The following CSMD2 variants were observed in gnomAD, a reference collection of about 807,000 sequenced individuals.
The protein encoded by CSMD2 is CUB and sushi domain-containing protein 2.
CSMD2 carries 130 observed loss-of-function variants against 398.5 expected under a neutral mutation model. The ratio of observed to expected loss-of-function variants is 0.33; its 90% CI spans 0.28 to 0.38. The LOEUF (loss-of-function observed/expected upper bound fraction) is 0.38. Among genes scored for constraint, CSMD2 ranks in the 10% least tolerant of loss-of-function variants. CSMD2 has a pLI of 1.00. For missense variants in CSMD2, 3,829 were observed against 4,764.9 expected, an observed-to-expected ratio of 0.80 and a Z score of 5.78; for synonymous variants, 1,828 against 1,908.5, an observed-to-expected ratio of 0.96 and a Z score of 1.10.
intron 5 of CSMD2, among the ~76,000 whole-genome samples, chr1:33,915,896 G>A (rs935517453): frequency 6.6e-6 from 1 of 152,150 alleles, no homozygotes; most frequent in Non-Finnish European, 1.5e-5. Flanking sequence ...ATTAACCTGG[G>A]GTTGAATCCC....
intron 3 of CSMD2, among the ~76,000 whole-genome samples, chr1:33,988,233 C>T (rs1646427572): frequency 6.6e-6 from 1 of 152,222 alleles, no homozygotes; most frequent in African/African-American, 2.4e-5. Flanking sequence ...CTGTCAGATG[C>T]AGCTTTGTGA....
chr1:33,930,169 G>C (rs1375791914), intron 4 of CSMD2, among the ~76,000 whole-genome samples: 1 of 152,212 alleles, frequency 6.6e-6, no homozygotes. Flanking sequence ...TTAATGACTG[G>C]CTGGCTCATA....
chr1:33,927,158 T>G (rs74966654), intron 4 of CSMD2, among the ~76,000 whole-genome samples: 4,794 of 152,204 alleles, frequency 0.031, 235 homozygotes, highest in African/African-American at 0.11. Flanking sequence ...CCACCCCCTT[T>G]TCTTGTGGTG....
At chr1:33,652,640 T>C (rs1643822917) in intron 27 of CSMD2, among the ~76,000 whole-genome samples, 179 bp from the exon 28 acceptor site, 1 of 152,178 alleles carries the variant, frequency 6.6e-6, no homozygotes, top group Non-Finnish European at 1.5e-5. Flanking sequence ...GTGGGAATAT[T>C]TCAGAGATAG....
intron 11 of CSMD2, among the ~76,000 whole-genome samples, chr1:33,790,636 TTATC>T (rs926634747): frequency 1.8e-4 from 27 of 151,232 alleles, no homozygotes; most frequent in Admixed American, 3.3e-4. Flanking sequence ...TTACAACAAA[TTATC>T]TATCTATTTG....
At chr1:33,994,074 G>A (rs148537401) in intron 3 of CSMD2, among the ~76,000 whole-genome samples, 1 of 152,298 alleles carries the variant, frequency 6.6e-6, no homozygotes, top group Non-Finnish European at 1.5e-5. Context: ...GTGAATTAGT[G>A]AAGGGAGACA....
At chr1:33,549,964 G>T (rs1269116032) in intron 56 of CSMD2, among the ~76,000 whole-genome samples, 1 of 152,182 alleles carries the variant, frequency 6.6e-6, no homozygotes, top group African/African-American at 2.4e-5. Flanking sequence ...GGTCAGGGCT[G>T]ACTGAGGGGA....
chr1:33,539,403 A>G (rs1230930434), intron 60 of CSMD2, among the ~76,000 whole-genome samples: 1 of 152,256 alleles, frequency 6.6e-6, no homozygotes, highest in Non-Finnish European at 1.5e-5. Context: ...GCCATTAAAA[A>G]TGATGATGCA....
chr1:34,131,685 T>A (rs1459409153), intron 1 of CSMD2, among the ~76,000 whole-genome samples: 4 of 152,150 alleles, frequency 2.6e-5, no homozygotes, highest in African/African-American at 9.7e-5. Flanking sequence ...AGAGTGGGGA[T>A]CCCTGAGGCC....
At chr1:33,825,665 CCCGGCAGG>C in intron 7 of CSMD2, 24 bp downstream of exon 7, 2 of 1,605,002 alleles carry the variant, frequency 1.2e-6, no homozygotes, top group Non-Finnish European at 1.7e-6. Context: ...AAGCAAGAGG[CCCGGCAGG>C]CGGGCTGGCG....
chr1:33,699,849 C>G (rs777416779), intron 23 of CSMD2, among the ~76,000 whole-genome samples: 1 of 152,150 alleles, frequency 6.6e-6, no homozygotes, highest in African/African-American at 2.4e-5. Flanking sequence ...ACTCCCTCAG[C>G]CCTAGGCAAC....
At chr1:33,820,378 T>C in intron 8 of CSMD2, 91 bp downstream of exon 8, 1 of 832,576 alleles carries the variant, frequency 1.2e-6, no homozygotes, top group Admixed American at 1.8e-5. Flanking sequence ...ATCCTCTCCA[T>C]TTCCACCTGC....
intron 4 of CSMD2, among the ~76,000 whole-genome samples, chr1:33,931,079 C>T (rs1455846686): frequency 6.6e-6 from 1 of 152,224 alleles, no homozygotes; most frequent in African/African-American, 2.4e-5. Flanking sequence ...GTAACCCAGG[C>T]TAGTAATTTC....
intron 5 of CSMD2, among the ~76,000 whole-genome samples, chr1:33,889,274 T>C (rs1475959914): frequency 6.6e-6 from 1 of 152,130 alleles, no homozygotes; most frequent in African/African-American, 2.4e-5. Flanking sequence ...GTAGAGAATA[T>C]GAACAGGCAA....
At chr1:34,060,990 A>G (rs1207367991) in intron 2 of CSMD2, among the ~76,000 whole-genome samples, 3 of 152,118 alleles carry the variant, frequency 2.0e-5, no homozygotes, top group African/African-American at 4.8e-5. Flanking sequence ...CAGCTATTGC[A>G]TAAGAGACCA....
intron 12 of CSMD2, among the ~76,000 whole-genome samples, chr1:33,777,615 G>A (rs1652168670): frequency 6.6e-6 from 1 of 152,184 alleles, no homozygotes; most frequent in African/African-American, 2.4e-5. Context: ...AATCACACAT[G>A]CAATTTCCTG....
At position 33,521,559 on chromosome 1, in the gene CSMD2, G is replaced by A. The variant is rs1481754347; in HGVS notation, c.10510-9C>T. The A allele has an allele frequency of 6.3e-7, 1 of 1,577,970 alleles. No individual in the cohort carries two copies. Among genetic ancestry groups the A allele is most frequent in the East Asian group, 2.2e-5 (1 of 44,712 alleles). ...GAGGACTCTGACGAGACCTGTGATG[G>A]TGGGGAGCACAGAGAGCAGGTGGGA... On this transcript the variant is annotated splice_polypyrimidine_tract_variant and intron_variant, in intron 67 of 70. Coordinates refer to ENST00000373381, the MANE Select transcript of CSMD2 (RefSeq NM_001281956.2).
chr1:33,613,262 G>GA (rs1641166062), intron 40 of CSMD2, among the ~76,000 whole-genome samples: 1 of 152,170 alleles, frequency 6.6e-6, no homozygotes, highest in East Asian at 1.9e-4. Flanking sequence ...CTGAACATAA[G>GA]GACTTACAGG....
intron 2 of CSMD2, among the ~76,000 whole-genome samples, chr1:34,078,519 C>G (rs1007442935): frequency 3.3e-5 from 5 of 152,094 alleles, no homozygotes; most frequent in African/African-American, 1.2e-4. Flanking sequence ...GTTTCCGGAC[C>G]ACGTAAGCAT....
Sources: allele counts gnomAD v4.1 joint callset (sites outside exome capture counted in the v4.1 genomes callset), GRCh38; gene constraint gnomAD v4.1.1; transcripts MANE v1.5; gene names NCBI Gene and HGNC (gene_info 2026-07-23, HGNC 2026-07-21).